Variants in RIMBP2 observed in about 807,000 individuals in gnomAD.
RIMBP2 encodes the protein RIMS binding protein 2.
In RIMBP2, 48 loss-of-function variants were observed where a neutral mutation model predicts 118.6. The observed-to-expected ratio is 0.40, with a 90% confidence interval of 0.32 to 0.51. RIMBP2 has a LOEUF of 0.51. RIMBP2 is among the 20% of genes least tolerant of loss of function. The probability of loss-of-function intolerance (pLI) is 0.41; values close to 1 mark genes in which losing one functional copy is unlikely to be tolerated. For missense variants in RIMBP2, 1,551 were observed against 1,768.3 expected (o/e 0.88, Z 2.20); for synonymous variants, 762 against 742.9 (o/e 1.03, Z -0.42).
chr12:130,671,150 G>A (rs578121042), intron 1 of RIMBP2, among the ~76,000 whole-genome samples: 1 of 152,300 alleles, frequency 6.6e-6, no homozygotes, highest in Non-Finnish European at 1.5e-5. Context: ...CAGATGTGGT[G>A]CCTGGAGCTA....
In RIMBP2 at chr12:130,422,374, T is replaced by C. The variant is rs994896451; in HGVS notation, c.3238+79A>G. ...TTAGCGGAAAATGCTACTCCTAAAG[T>C]TTTGTTCATGCTTAGATGGAGTAAG... On this transcript the variant is annotated intron_variant, in intron 17 of 22. Coordinates refer to ENST00000690449, the MANE Select transcript of RIMBP2 (RefSeq NM_001393629.1). This position sits in a 1 kb window ranked among gnomAD's most constrained non-coding sequence, Gnocchi z 5.2. 1 of 968,484 alleles carries C rather than the reference T, an allele frequency of 1.0e-6. No individual in the cohort carries two copies. 60.0% of individuals were successfully genotyped at this position (968,484 alleles called of 1,614,324 possible).
rs1480071865 is a variant in RIMBP2, at chr12:130,703,433, C to T, written c.-352+12789G>A. 6.6e-6 allele frequency among the ~76,000 whole-genome samples: 1 copy of T among 152,210 alleles called. No individual in the cohort carries two copies. The highest frequency in any genetic ancestry group is 2.4e-5 in the African/African-American group (1 of 41,454). On this transcript the variant is annotated intron_variant, in intron 1 of 22. Coordinates refer to ENST00000690449, the MANE Select transcript of RIMBP2 (RefSeq NM_001393629.1). This position sits in a 1 kb window ranked among gnomAD's most constrained non-coding sequence, Gnocchi z 5.7. ...GTGGGAAGAGTGCTGTATTCTCAAA[C>T]GATCACTGTTTTTTAAAAGCGTGGC...
intron 1 of RIMBP2, among the ~76,000 whole-genome samples, chr12:130,655,978 G>C (rs1436337204): frequency 6.6e-6 from 1 of 152,224 alleles, no homozygotes. Flanking sequence ...CTGGAATCCA[G>C]CCCTTCTGGG....
At position 130,495,454 on chromosome 12, in the gene RIMBP2, C is replaced by G. The variant is rs79992327; in HGVS notation, c.-4+11194G>C. On this transcript the variant is annotated intron_variant, in intron 4 of 22. Transcript: ENST00000690449. ...AGTGTCACCCCCTAACAGACATGTG[C>G]AGGGTGCCCTGCGCTCCCCTCTCCC... Among the ~76,000 whole-genome samples, 1,016 of 152,304 alleles carry G rather than the reference C, an allele frequency of 6.7e-3. 14 individuals carry two copies. Among genetic ancestry groups the G allele is most frequent in the African/African-American group, 0.023 (961 of 41,566 alleles).
intron 2 of RIMBP2, among the ~76,000 whole-genome samples, chr12:130,618,517 C>T (rs1203842013): frequency 6.6e-6 from 1 of 152,102 alleles, no homozygotes; most frequent in Non-Finnish European, 1.5e-5. Context: ...TCCCGGTGTT[C>T]AGCAGGTGGG....
At chr12:130,466,615 T>C (rs1188095334) in intron 6 of RIMBP2, among the ~76,000 whole-genome samples, 1 of 152,166 alleles carries the variant, frequency 6.6e-6, no homozygotes, top group Non-Finnish European at 1.5e-5. Context: ...CTGGCTTCCA[T>C]TGTGCTTCTA....
chr12:130,451,363 G>A (rs750815038), intron 7 of RIMBP2, 23 bp from the exon 8 acceptor site: 1 of 1,586,036 alleles, frequency 6.3e-7, no homozygotes, highest in Non-Finnish European at 8.6e-7. Flanking sequence ...ATTAAAACAA[G>A]TTGAAACAAA....
At chr12:130,656,834 G>T (rs566698296) in intron 1 of RIMBP2, among the ~76,000 whole-genome samples, 1 of 152,180 alleles carries the variant, frequency 6.6e-6, no homozygotes, top group South Asian at 2.1e-4. Context: ...GTTTGAGCCT[G>T]GGGGGAGGAG....
At chr12:130,652,479 C>A (rs12812605) in intron 1 of RIMBP2, among the ~76,000 whole-genome samples, 9,853 of 152,228 alleles carry the variant, frequency 0.065, 414 homozygotes, top group Non-Finnish European at 0.09. Context: ...CTCACTTTTT[C>A]ATCTGTTACG....
intron 1 of RIMBP2, among the ~76,000 whole-genome samples, chr12:130,675,559 TCCACCCCCATGCCTCCAGGCC>T (rs1380346730): frequency 6.6e-6 from 1 of 150,566 alleles, no homozygotes; most frequent in African/African-American, 2.5e-5. Context: ...CTCCAGGCCG[TCCACCCCCATGCCTCCAGGCC>T]GTCCACCCTA....
intron 22 of RIMBP2, chr12:130,399,115 G>A (rs748045664): frequency 1.0e-5 from 14 of 1,384,260 alleles, no homozygotes; most frequent in African/African-American, 6.0e-5. Context: ...GCTCACTTAC[G>A]TGAAGGCTAC....
At chr12:130,537,904 G>C (rs2054219816) in intron 2 of RIMBP2, among the ~76,000 whole-genome samples, 1 of 152,190 alleles carries the variant, frequency 6.6e-6, no homozygotes, top group Admixed American at 6.5e-5. Context: ...AGGGTGAAAT[G>C]ACTGCTAATT....
chr12:130,585,598 C>T lies in RIMBP2; in HGVS notation c.-217+42724G>A, dbSNP rs537181391. 6.0e-3 allele frequency among the ~76,000 whole-genome samples: 808 copies of T among 134,622 alleles called. 3 individuals are homozygous for T. Among genetic ancestry groups the T allele is most frequent in the Middle Eastern group, 0.027 (7 of 258 alleles). The allele number at this position is 134,622 out of a possible 152,430, so 88.3% of individuals were successfully genotyped here. On this transcript the variant is annotated intron_variant, in intron 2 of 22. Transcript: ENST00000690449. ...TGCCACTGCACTCCAGCCTGGGTGA[C>T]GGTGAGACCCTGTCTCAAAAAAAAA... is the stretch of plus-strand genomic sequence containing the variant.
rs113022943 is a variant in RIMBP2 at position 130,503,394 on chromosome 12, T to TAA, written c.-4+3252_-4+3253dup. On this transcript the variant is annotated intron_variant, in intron 4 of 22. Coordinates refer to ENST00000690449, the MANE Select transcript of RIMBP2 (RefSeq NM_001393629.1). The stretch of plus-strand genomic sequence containing the variant: ...CTGGGTGACAGAGTAAGACTCCATC[T>TAA]AAAAAGAAAAAACAAAAAACAAAAA... Among the ~76,000 whole-genome samples, 21 of 137,362 alleles carry TAA rather than the reference T, an allele frequency of 1.5e-4. No homozygotes were observed. The East Asian group carries it at 3.0e-3, about 20-fold the overall frequency. 90.1% of individuals were successfully genotyped at this position (137,362 alleles called of 152,430 possible).
Position 130,609,293 on chromosome 12 carries a change from C to T in RIMBP2, c.-217+19029G>A, listed in dbSNP as rs144218609. On this transcript the variant is annotated intron_variant, in intron 2 of 22. Transcript: ENST00000690449. Reference sequence around the variant, plus strand: ...CCACTAGCCAAGGTGTGGAATCAACCTAAGTGTCCATCGACGGATGAATGG... The same window carrying T: ...CCACTAGCCAAGGTGTGGAATCAACTTAAGTGTCCATCGACGGATGAATGG... Among the ~76,000 whole-genome samples, 1,202 of 152,230 alleles carry T rather than the reference C, an allele frequency of 7.9e-3. 11 individuals are homozygous for T. The highest frequency in any genetic ancestry group is 0.013 in the Non-Finnish European group (901 of 68,016).
intron 19 of RIMBP2, among the ~76,000 whole-genome samples, chr12:130,408,849 C>G (rs1038269176): frequency 3.3e-5 from 5 of 152,330 alleles, no homozygotes; most frequent in Middle Eastern, 3.4e-3. Context: ...AGCGATGTGG[C>G]TTTTCAGTGG....
chr12:130,657,716 C>CA (rs2063488435), intron 1 of RIMBP2: 6 of 118,150 alleles, frequency 5.1e-5, no homozygotes, highest in African/African-American at 1.7e-4. Flanking sequence ...GCAGTGAGGG[C>CA]GGAGGATGGA....
At chr12:130,651,258 C>T (rs2063220559) in intron 1 of RIMBP2, 1 of 152,230 alleles carries the variant, frequency 6.6e-6, no homozygotes, top group South Asian at 2.1e-4. Context: ...TCAGCGGGCC[C>T]TGCTGGCGGC....
At chr12:130,456,799 TGTGTGCAC>T in intron 6 of RIMBP2, 99 bp from the exon 7 acceptor site, 2 of 799,600 alleles carry the variant, frequency 2.5e-6, no homozygotes, top group Non-Finnish European at 4.0e-6. Context: ...ACATGTGCAC[TGTGTGCAC>T]GTGTGTACAC....
Sources: allele counts gnomAD v4.1 joint callset (sites outside exome capture counted in the v4.1 genomes callset), GRCh38; gene constraint gnomAD v4.1.1; non-coding constraint Gnocchi (gnomAD v3.1); transcripts MANE v1.5; gene names NCBI Gene and HGNC (gene_info 2026-07-23, HGNC 2026-07-21).